FGF2: variants seen among roughly 807,000 people sequenced by gnomAD.
FGF2 encodes basic fibroblast growth factor bFGF.
FGF2 carries 13 observed loss-of-function variants against 15.9 expected under a neutral mutation model. The ratio of observed to expected loss-of-function variants is 0.82; its 90% confidence interval spans 0.53 to 1.30. The LOEUF is 1.30. Ranked by LOEUF, FGF2 falls within the 50% of genes most tolerant of loss-of-function variation. The pLI, the probability that FGF2 is intolerant of heterozygous loss-of-function variation, is 0.00. For missense variants in FGF2, 163 were observed against 196.9 expected (o/e 0.83, Z 1.03); for synonymous variants, 90 against 78.4 (o/e 1.15, Z -0.78).
At chr4:122,889,572 T>A (rs1727126886) in intron 2 of FGF2, among the ~76,000 whole-genome samples, 2 of 152,146 alleles carry the variant, frequency 1.3e-5, no homozygotes, top group African/African-American at 4.8e-5. Context: ...GACCACTAAA[T>A]TTTGGCCCTA....
intron 1 of FGF2, among the ~76,000 whole-genome samples, chr4:122,846,134 C>T (rs1329603082): frequency 2.6e-5 from 4 of 152,118 alleles, no homozygotes; most frequent in South Asian, 4.2e-4. Context: ...GGGGAACATT[C>T]GTCAGTGGAG....
intron 1 of FGF2, among the ~76,000 whole-genome samples, chr4:122,859,405 T>G (rs934543959): frequency 6.6e-6 from 1 of 152,180 alleles, no homozygotes; most frequent in African/African-American, 2.4e-5. Flanking sequence ...AAAAATTTAT[T>G]TATTCTGTAG....
intron 1 of FGF2, among the ~76,000 whole-genome samples, chr4:122,833,353 G>A (rs1725802377): frequency 6.6e-6 from 1 of 152,156 alleles, no homozygotes; most frequent in South Asian, 2.1e-4. Context: ...TGAATATTAA[G>A]TGTATGTTCC....
chr4:122,850,062 G>A (rs192658413), intron 1 of FGF2, among the ~76,000 whole-genome samples: 17 of 152,288 alleles, frequency 1.1e-4, no homozygotes, highest in African/African-American at 3.9e-4. Context: ...AGGAGTTTGA[G>A]ACCAGCCTGG....
chr4:122,850,986 A>T (rs2150771418), intron 1 of FGF2, among the ~76,000 whole-genome samples: 1 of 152,346 alleles, frequency 6.6e-6, no homozygotes, highest in Middle Eastern at 3.4e-3. Flanking sequence ...AACACATAGT[A>T]TAAGAAGACT....
chr4:122,889,916 G>C (rs1727134042), intron 2 of FGF2: 1 of 152,080 alleles, frequency 6.6e-6, no homozygotes, highest in South Asian at 2.1e-4. Flanking sequence ...CATCCGGGAA[G>C]CTGATAGAAC....
chr4:122,888,401 A>G (rs1193041194), intron 2 of FGF2, among the ~76,000 whole-genome samples: 3 of 152,140 alleles, frequency 2.0e-5, no homozygotes, highest in African/African-American at 7.2e-5. Context: ...GAATAATCCT[A>G]CAAAAAGATG....
intron 1 of FGF2, among the ~76,000 whole-genome samples, chr4:122,868,472 A>G (rs1726653145): frequency 6.6e-6 from 1 of 152,228 alleles, no homozygotes; most frequent in South Asian, 2.1e-4. Flanking sequence ...ATGGCTGCAT[A>G]ATATTCCACG....
chr4:122,861,256 T>C (rs1726460233), intron 1 of FGF2, among the ~76,000 whole-genome samples: 1 of 152,198 alleles, frequency 6.6e-6, no homozygotes, highest in South Asian at 2.1e-4. Flanking sequence ...CCTCTTTATT[T>C]CTAATAGATT....
rs533874938 is a variant in FGF2, at chr4:122,892,768, T to C, written c.*372T>C. The C allele has an allele frequency of 7.8e-6, 11 of 1,409,782 alleles. No individual in the cohort carries two copies. In the South Asian group the frequency reaches 1.6e-4, roughly 20 times the overall value. 87.3% of individuals were successfully genotyped at this position (1,409,782 alleles called of 1,614,324 possible). ...AGTCAGATGTTTAATCAATCCAAAA[T>C]GTCCACTATTTCTTATGTCATTCGT... On this transcript the variant is annotated 3_prime_UTR_variant, in exon 3 of 3. Transcript: ENST00000644866.
intron 1 of FGF2, among the ~76,000 whole-genome samples, chr4:122,871,781 C>CAAAA (rs55677162): frequency 0.043 from 4,007 of 94,164 alleles, 104 homozygotes; most frequent in African/African-American, 0.05. Flanking sequence ...CATTGAAAGA[C>CAAAA]AAAAAAAAAA....
intron 1 of FGF2, among the ~76,000 whole-genome samples, chr4:122,860,712 C>T (rs1726444476): frequency 6.6e-6 from 1 of 152,124 alleles, no homozygotes; most frequent in Non-Finnish European, 1.5e-5. Context: ...CCACCTTGGC[C>T]TCCCGAAGTG....
chr4:122,827,035 C>T lies in FGF2; in HGVS notation c.-140C>T. On this transcript the variant is annotated 5_prime_UTR_variant, in exon 1 of 3. Transcript: ENST00000644866. This position sits in a 1 kb window ranked among gnomAD's most constrained non-coding sequence, Gnocchi z 4.2. ...CTGGGGGACCGCGGGCGCGGCCGCG[C>T]GCTGCCGGGCGGGAGGCTGGGGGGC... The T allele has an allele frequency of 8.6e-7, 1 of 1,158,432 alleles. No individual in the cohort carries two copies. Among genetic ancestry groups the T allele is most frequent in the Non-Finnish European group, 1.1e-6 (1 of 941,738 alleles). The allele number at this position is 1,158,432 out of a possible 1,614,324, so 71.8% of individuals were successfully genotyped here.
chr4:122,853,806 C>T (rs115093308), intron 1 of FGF2, among the ~76,000 whole-genome samples: 42 of 152,270 alleles, frequency 2.8e-4, no homozygotes, highest in African/African-American at 9.6e-4. Context: ...ATAAGCAAAA[C>T]TTACCTAATT....
intron 1 of FGF2, among the ~76,000 whole-genome samples, chr4:122,845,460 G>A (rs766117202): frequency 5.9e-5 from 9 of 152,226 alleles, no homozygotes; most frequent in Non-Finnish European, 1.2e-4. Flanking sequence ...GAAAATCCTA[G>A]ATGGCATCTT....
At chr4:122,858,964 C>G (rs1308976106) in intron 1 of FGF2, among the ~76,000 whole-genome samples, 1 of 152,128 alleles carries the variant, frequency 6.6e-6, no homozygotes, top group Non-Finnish European at 1.5e-5. Context: ...TAAAAAAGGT[C>G]TTTTGAATCA....
Position 122,892,741 on chromosome 4 carries a change from ACAGT to A in FGF2, c.*349_*352del. Reference sequence around the variant, plus strand: ...TGGAAATCATATACATTAGAAAATCACAGTCAGATGTTTAATCAATCCAAAATGT... The same window carrying A: ...TGGAAATCATATACATTAGAAAATCACAGATGTTTAATCAATCCAAAATGT... On this transcript the variant is annotated 3_prime_UTR_variant, in exon 3 of 3. Transcript: ENST00000644866. 8.1e-6 allele frequency: 11 copies of A among 1,352,604 alleles called. No individual in the cohort carries two copies. The highest frequency in any genetic ancestry group is 9.9e-6 in the Non-Finnish European group (10 of 1,007,010). 83.8% of individuals were successfully genotyped at this position (1,352,604 alleles called of 1,614,324 possible).
intron 1 of FGF2, chr4:122,840,552 G>A (rs535090946): frequency 1.3e-5 from 2 of 156,354 alleles, no homozygotes; most frequent in East Asian, 1.8e-4. Context: ...TGTATGTGAA[G>A]CTACATTGCT....
intron 1 of FGF2, among the ~76,000 whole-genome samples, chr4:122,840,140 G>A (rs1482115810): frequency 1.3e-5 from 2 of 152,162 alleles, no homozygotes; most frequent in Non-Finnish European, 2.9e-5. Context: ...AGGAGCACAT[G>A]CAGAGATAGT....
Sources: gnomAD v4.1 joint callset for allele counts (sites outside exome capture counted in the v4.1 genomes callset) on GRCh38, gnomAD v4.1.1 for gene constraint, Gnocchi (gnomAD v3.1) non-coding constraint, MANE v1.5 for transcripts, NCBI Gene and HGNC (gene_info 2026-07-23, HGNC 2026-07-21) for gene names.